The following SRGAP2 variants were observed in gnomAD, a reference collection of about 807,000 sequenced individuals.
The protein encoded by SRGAP2 is SLIT-ROBO Rho GTPase activating protein 2.
A neutral mutation model predicts 57.2 loss-of-function variants in SRGAP2; 15 were observed. The ratio of observed to expected loss-of-function variants is 0.26; its 90% CI spans 0.18 to 0.40. The LOEUF is 0.40. Ranked by LOEUF, SRGAP2 falls within the 10% of genes least tolerant of loss-of-function variation. The pLI is 1.00. For synonymous variants in SRGAP2, 249 were observed against 248.0 expected (o/e 1.00, Z -0.04); for missense variants, 520 against 669.6 (o/e 0.78, Z 2.47).
chr1:206,445,578 A>C (rs1662684391), intron 17 of SRGAP2, among the ~76,000 whole-genome samples: 1 of 152,230 alleles, frequency 6.6e-6, no homozygotes, highest in Non-Finnish European at 1.5e-5. Flanking sequence ...GCTAGAAAGG[A>C]ATATCCCTAA....
At chr1:206,441,359 A>G (rs1279381119) in intron 17 of SRGAP2, among the ~76,000 whole-genome samples, 3 of 152,150 alleles carry the variant, frequency 2.0e-5, no homozygotes, top group Non-Finnish European at 4.4e-5. Flanking sequence ...TGTCTACAAC[A>G]AAGGTCTGAG....
chr1:206,249,910 T>C (rs1216060130), intron 2 of SRGAP2, among the ~76,000 whole-genome samples: 5 of 146,310 alleles, frequency 3.4e-5, no homozygotes, highest in African/African-American at 1.3e-4. Context: ...TGTTCTGTTG[T>C]ATCCCTAAAT....
intron 14 of SRGAP2, among the ~76,000 whole-genome samples, chr1:206,430,482 A>G (rs1292996455): frequency 2.6e-5 from 4 of 152,240 alleles, no homozygotes; most frequent in Non-Finnish European, 5.9e-5. Flanking sequence ...TAAGTTTGAA[A>G]TTGCAGCTGT....
At chr1:206,240,265 C>CAAA (rs72152960) in intron 2 of SRGAP2, among the ~76,000 whole-genome samples, 19 of 84,078 alleles carry the variant, frequency 2.3e-4, no homozygotes, top group African/African-American at 3.6e-4. Flanking sequence ...GACAACGTCT[C>CAAA]AAAAAAAAAA....
chr1:206,371,453 G>A (rs373160741), intron 4 of SRGAP2, among the ~76,000 whole-genome samples: 35 of 151,702 alleles, frequency 2.3e-4, no homozygotes, highest in African/African-American at 6.5e-4. Flanking sequence ...TAGATTGGCC[G>A]GGCACGGTGG....
At chr1:206,387,195 T>C (rs1453064024) in intron 5 of SRGAP2, among the ~76,000 whole-genome samples, 2 of 150,506 alleles carry the variant, frequency 1.3e-5, no homozygotes, top group Admixed American at 6.6e-5. Context: ...TAAGATAGGT[T>C]TAGGACTGGT....
At chr1:206,342,361 CCTTAGACCTG>C (rs1675265213) in intron 3 of SRGAP2, among the ~76,000 whole-genome samples, 1 of 151,890 alleles carries the variant, frequency 6.6e-6, no homozygotes, top group East Asian at 1.9e-4. Flanking sequence ...TTCAGAATCA[CCTTAGACCTG>C]GTCTAGCCAG....
chr1:206,431,791 G>A (rs1431781178), intron 14 of SRGAP2, among the ~76,000 whole-genome samples: 1 of 152,238 alleles, frequency 6.6e-6, no homozygotes, highest in East Asian at 1.9e-4. Flanking sequence ...ACTGTTTGAA[G>A]CTGGTTCAGG....
At chr1:206,410,424 A>G (rs1659114224) in intron 10 of SRGAP2, among the ~76,000 whole-genome samples, 1 of 152,192 alleles carries the variant, frequency 6.6e-6, no homozygotes, top group Non-Finnish European at 1.5e-5. Context: ...AGATGCAAAG[A>G]TTTGAAAAGG....
intron 2 of SRGAP2, among the ~76,000 whole-genome samples, chr1:206,209,909 A>G (rs1195687773): frequency 1.9e-5 from 2 of 107,630 alleles, no homozygotes; most frequent in Admixed American, 8.3e-5. Flanking sequence ...TAAAATTTGT[A>G]TTATTTTAAA....
In SRGAP2 at chr1:206,318,634, A is replaced by G. The variant is rs1246855986; in HGVS notation, c.260+15161A>G. On this transcript the variant is annotated intron_variant, in intron 3 of 22. Coordinates refer to ENST00000573034, the MANE Select transcript of SRGAP2 (RefSeq NM_015326.5). ...TGGTTCTGCAGGCTGTACAGGAGGC[A>G]TGGTGCTGGTGTCTGCTTCTGGTGA... is the stretch of plus-strand genomic sequence containing the variant. Among the ~76,000 whole-genome samples, 1,085 of 152,322 alleles carry G rather than the reference A, an allele frequency of 7.1e-3. 3 individuals are homozygous for G. The highest frequency in any genetic ancestry group is 9.3e-3 in the Admixed American group (143 of 15,302).
intron 7 of SRGAP2, among the ~76,000 whole-genome samples, chr1:206,394,037 C>G (rs1657306908): frequency 1.1e-5 from 1 of 93,160 alleles, no homozygotes; most frequent in Non-Finnish European, 2.0e-5. Flanking sequence ...ATACTTTCTT[C>G]CTTTTTTTTT....
intron 4 of SRGAP2, among the ~76,000 whole-genome samples, chr1:206,363,585 G>A (rs1677067597): frequency 6.6e-6 from 1 of 151,782 alleles, no homozygotes; most frequent in African/African-American, 2.4e-5. Flanking sequence ...GATCACACAT[G>A]ATGTCGAGGT....
rs1553363465 is a variant in SRGAP2, at chr1:206,419,391, G to C, written c.1460G>C (p.Ser487Thr). 3 of 780,846 alleles carry C rather than the reference G, an allele frequency of 3.8e-6. No homozygotes were observed. In the South Asian group the frequency reaches 4.0e-5, roughly 10 times the overall value. The allele number at this position is 780,846 out of a possible 1,614,324, so 48.4% of individuals were successfully genotyped here. Reference protein sequence around the residue: ...TLGESQRTDCSLARRSSTVRK... With the variant: ...TLGESQRTDCTLARRSSTVRK... The stretch of plus-strand genomic sequence containing the variant: ...CCAACAGGTCAGCGGACAGATTGCA[G>C]TCTAGCCAGGTGAGTGTGGCCTGGG... Residue 487 changes from serine (S) to threonine (T), a missense_variant, in exon 12 of 23, where the codon AGT becomes ACT. Around this residue, in one of 5 missense-constraint regions of SRGAP2, gnomAD observed 478 missense variants for 373.6 expected, o/e 1.28. Transcript: ENST00000573034.
At chr1:206,419,303 T>G in intron 11 of SRGAP2, 70 bp from the exon 12 acceptor site, 1 of 775,772 alleles carries the variant, frequency 1.3e-6, no homozygotes, top group Non-Finnish European at 2.4e-6. Context: ...TGGTAGTTAC[T>G]AGGAGTGGGT....
At chr1:206,421,121 AT>A in intron 12 of SRGAP2, 128 bp from the exon 13 acceptor site, 5 of 551,310 alleles carry the variant, frequency 9.1e-6, no homozygotes, top group South Asian at 5.0e-5. Flanking sequence ...TACCACACAG[AT>A]TTTTTTTAAT....
chr1:206,440,750 T>C (rs536931592), intron 17 of SRGAP2, among the ~76,000 whole-genome samples: 1 of 152,362 alleles, frequency 6.6e-6, no homozygotes, highest in Non-Finnish European at 1.5e-5. Context: ...TTTCACCACG[T>C]TGGCCAAGAT....
intron 7 of SRGAP2, among the ~76,000 whole-genome samples, chr1:206,399,814 G>A (rs544275427): frequency 6.6e-6 from 1 of 152,256 alleles, no homozygotes; most frequent in East Asian, 1.9e-4. Flanking sequence ...ATCTCCCAGA[G>A]AGCCCATGCC....
rs1475122037 is a variant in SRGAP2, at chr1:206,458,918, C to A, written c.2803C>A (p.Arg935=). ...AGRSKSFNNH[R]PMDPEVIAQD... ...AAGGTCAAAAAGCTTCAATAACCAT[C>A]GGCCCATGGACCCTGAGGTCATTGC... The change falls in exon 22 of 23, where the codon CGG becomes AGG. Residue 935 remains arginine, a synonymous_variant. Transcript: ENST00000573034. 1 of 777,724 alleles carries A rather than the reference C, an allele frequency of 1.3e-6. No individual in the cohort carries two copies. The highest frequency in any genetic ancestry group is 1.7e-5 in the Admixed American group (1 of 58,650). The allele number at this position is 777,724 out of a possible 1,614,324, so 48.2% of individuals were successfully genotyped here. A position where few individuals can be genotyped will look rare whatever the true frequency, so the allele number is the denominator to read the frequency against.
Sources: gnomAD v4.1 joint callset for allele counts (sites outside exome capture counted in the v4.1 genomes callset) on GRCh38, gnomAD v4.1.1 for gene constraint, gnomAD v4.1.1 regional missense constraint, MANE v1.5 for transcripts, NCBI Gene and HGNC (gene_info 2026-07-23, HGNC 2026-07-21) for gene names.